Variants in ADCY10 observed in about 807,000 individuals in gnomAD.
The protein encoded by ADCY10 is adenylate cyclase type 10.
A neutral mutation model predicts 183.3 loss-of-function variants in ADCY10; 156 were observed. The ratio of observed to expected loss-of-function variants is 0.85; its 90% confidence interval spans 0.75 to 0.97. The LOEUF (loss-of-function observed/expected upper bound fraction) is 0.97. ADCY10 is among the 50% of genes least tolerant of loss of function. The pLI, the probability that ADCY10 is intolerant of heterozygous loss-of-function variation, is 0.00. For synonymous variants in ADCY10, 645 were observed against 670.0 expected (o/e 0.96, Z 0.58); for missense variants, 1,745 against 1,934.3 (o/e 0.90, Z 1.84).
chr1:167,813,535 A>C (rs1424271902), intron 31 of ADCY10, among the ~76,000 whole-genome samples: 1 of 152,206 alleles, frequency 6.6e-6, no homozygotes, highest in Admixed American at 6.5e-5. Context: ...AAAAGAAAGA[A>C]AGACAAGAAA....
intron 19 of ADCY10, among the ~76,000 whole-genome samples, chr1:167,846,773 G>C (rs1665059234): frequency 6.6e-6 from 1 of 152,152 alleles, no homozygotes; most frequent in Admixed American, 6.5e-5. Context: ...GTGTCAGAGA[G>C]TTCACAGCTC....
At chr1:167,827,350 T>G (rs1663376140) in intron 26 of ADCY10, among the ~76,000 whole-genome samples, 1 of 150,374 alleles carries the variant, frequency 6.7e-6, no homozygotes, top group Non-Finnish European at 1.5e-5. Flanking sequence ...TTTTTTTTTT[T>G]TGTATTTTCA....
chr1:167,850,697 G>GTGTATGTA (rs1553267961), intron 18 of ADCY10, among the ~76,000 whole-genome samples: 1 of 142,260 alleles, frequency 7.0e-6, no homozygotes, highest in East Asian at 2.2e-4. Context: ...GTGTGTGTGT[G>GTGTATGTA]TGTGTGTGTG....
intron 26 of ADCY10, 120 bp downstream of exon 26, chr1:167,829,147 C>A: frequency 8.3e-7 from 1 of 1,207,674 alleles, no homozygotes; most frequent in Non-Finnish European, 1.2e-6. Flanking sequence ...CAAAACAAGC[C>A]AATCAGAAAG....
At chr1:167,857,435 T>C (rs1216033368) in intron 16 of ADCY10, among the ~76,000 whole-genome samples, 1 of 152,206 alleles carries the variant, frequency 6.6e-6, no homozygotes, top group East Asian at 1.9e-4. Context: ...TTGTTTTGAG[T>C]TTGACTGGTA....
At chr1:167,812,490 TA>T (rs1215687117) in intron 31 of ADCY10, among the ~76,000 whole-genome samples, 1 of 151,650 alleles carries the variant, frequency 6.6e-6, no homozygotes. Context: ...CCTACAACAA[TA>T]AAAAACAAAA....
intron 19 of ADCY10, 66 bp from the exon 20 acceptor site, chr1:167,846,329 T>TGTCC: frequency 1.3e-6 from 2 of 1,574,656 alleles, no homozygotes; most frequent in Non-Finnish European, 1.7e-6. Context: ...CTGTATTTAA[T>TGTCC]ATAGAGCAGG....
At position 167,832,991 on chromosome 1, in the gene ADCY10, G is replaced by A; in HGVS notation, c.3589C>T (p.Pro1197Ser). 6.2e-7 allele frequency: 1 copy of A among 1,613,802 alleles called. No homozygotes were observed. Among genetic ancestry groups the A allele is most frequent in the Non-Finnish European group, 8.5e-7 (1 of 1,179,920 alleles). ...VNRQAQESPP[P>S]GKKRLAQLYR... ...CTCCCCAGCTCCTTCCCTTACCCTG[G>A]AGGTGGGCTCTCTTGGGCCTGCCGA... is the stretch of plus-strand genomic sequence containing the variant. The change falls in exon 25 of 33, where the codon CCA becomes TCA. Residue 1197 changes from proline (P) to serine (S), a missense_variant. Coordinates refer to ENST00000367851, the MANE Select transcript of ADCY10 (RefSeq NM_018417.6).
Position 167,904,382 on chromosome 1 carries a change from G to A in ADCY10, c.149-391C>T, listed in dbSNP as rs112157523. On this transcript the variant is annotated intron_variant, in intron 2 of 32. Coordinates refer to ENST00000367851, the MANE Select transcript of ADCY10 (RefSeq NM_018417.6). The stretch of plus-strand genomic sequence containing the variant: ...ATTGCAGGCGTGAGCCACCGAACCC[G>A]GTGGCCTCAGCTTTTAAAAACAGGC... Among the ~76,000 whole-genome samples the A allele has an allele frequency of 3.1e-3, 469 of 152,164 alleles. 1 individual carries two copies. Among genetic ancestry groups the A allele is most frequent in the African/African-American group, 0.011 (453 of 41,516 alleles).
intron 7 of ADCY10, 82 bp downstream of exon 7, chr1:167,896,513 A>G (rs1250690879): frequency 9.0e-7 from 1 of 1,111,516 alleles, no homozygotes; most frequent in Non-Finnish European, 1.4e-6. Flanking sequence ...CCCACCCACC[A>G]GTAATGAAGC....
intron 21 of ADCY10, among the ~76,000 whole-genome samples, chr1:167,837,560 T>C (rs1024936245): frequency 1.3e-5 from 2 of 152,212 alleles, no homozygotes; most frequent in African/African-American, 4.8e-5. Context: ...CTCTGCCTTC[T>C]CTTTCCACAA....
chr1:167,857,527 G>C (rs558322907), intron 16 of ADCY10, among the ~76,000 whole-genome samples: 1 of 152,274 alleles, frequency 6.6e-6, no homozygotes, highest in Non-Finnish European at 1.5e-5. Flanking sequence ...AAATTGAAGA[G>C]AATAAAGCAG....
intron 1 of ADCY10, among the ~76,000 whole-genome samples, chr1:167,907,947 T>C (rs929296832): frequency 6.6e-6 from 1 of 152,232 alleles, no homozygotes; most frequent in Non-Finnish European, 1.5e-5. Flanking sequence ...ATGGGCACGA[T>C]AGAAGACTTT....
chr1:167,860,524 C>A (rs1666213579), intron 15 of ADCY10, among the ~76,000 whole-genome samples: 1 of 152,222 alleles, frequency 6.6e-6, no homozygotes. Flanking sequence ...GTTGAGGACC[C>A]CTGTGTTAGA....
Position 167,878,460 on chromosome 1 carries a change from G to C in ADCY10, c.1392C>G (p.Gly464=), listed in dbSNP as rs751127549. 2 of 1,613,686 alleles carry C rather than the reference G, an allele frequency of 1.2e-6. No homozygotes were observed. Among genetic ancestry groups the C allele is most frequent in the African/African-American group, 2.7e-5 (2 of 74,864 alleles). Residue 464 remains glycine (G), a synonymous_variant, in exon 12 of 33, where the codon GGC becomes GGG. Transcript: ENST00000367851. ...ADSGPLYQYW[G]RTEKVMFGMA... ...TCCACACTCACACTTTCTCAGTACG[G>C]CCCCAATACTGATACAATGGTCCAG... is the stretch of plus-strand genomic sequence containing the variant.
At chr1:167,892,430 T>C (rs1206711921) in intron 8 of ADCY10, among the ~76,000 whole-genome samples, 1 of 152,214 alleles carries the variant, frequency 6.6e-6, no homozygotes, top group Non-Finnish European at 1.5e-5. Context: ...TTTGGTCTTA[T>C]TTTCAACCCT....
At chr1:167,840,016 T>C (rs1558170058) in intron 21 of ADCY10, among the ~76,000 whole-genome samples, 1 of 151,382 alleles carries the variant, frequency 6.6e-6, no homozygotes, top group Non-Finnish European at 1.5e-5. Context: ...GTCCAGGAGT[T>C]TGAGACTAGC....
intron 22 of ADCY10, 54 bp downstream of exon 22, chr1:167,837,195 A>G: frequency 1.4e-6 from 2 of 1,481,228 alleles, no homozygotes; most frequent in Non-Finnish European, 1.9e-6. Flanking sequence ...AGTGTTCTGA[A>G]TTTAATGACA....
chr1:167,833,887 AGAAAG>A (rs1424087103), intron 24 of ADCY10, 78 bp downstream of exon 24: 1 of 1,091,252 alleles, frequency 9.2e-7, no homozygotes, highest in African/African-American at 1.6e-5. Flanking sequence ...AGGAGGGTGT[AGAAAG>A]TATAGGGATG....
Sources: gnomAD v4.1 joint callset for allele counts (sites outside exome capture counted in the v4.1 genomes callset) on GRCh38, gnomAD v4.1.1 for gene constraint, MANE v1.5 for transcripts, NCBI Gene and HGNC (gene_info 2026-07-23, HGNC 2026-07-21) for gene names.